FAAH2: variants seen among roughly 807,000 people sequenced by gnomAD.
The protein encoded by FAAH2 is fatty-acid amide hydrolase 2.
A neutral mutation model predicts 36.9 loss-of-function variants in FAAH2; 60 were observed. The observed-to-expected ratio is 1.63, with a 90% CI of 1.32 to 2.02. The LOEUF is 2.02. Among genes scored for constraint, FAAH2 ranks in the 30% most tolerant of loss-of-function variants. The pLI is 0.00. For missense variants in FAAH2, 689 were observed against 397.5 expected (o/e 1.73, Z -6.23); for synonymous variants, 214 against 143.8 (o/e 1.49, Z -3.49).
At chrX:57,482,966 A>G (rs2057407700) in intron 10 of FAAH2, among the ~76,000 whole-genome samples, 1 of 109,956 alleles carries the variant, frequency 9.1e-6, no homozygotes, top group African/African-American at 3.3e-5. Context: ...TTTACTTTAG[A>G]TAGTCTGATC....
the FAAH2 span, among the ~76,000 whole-genome samples, chrX:57,259,966 A>G: frequency 3.2e-3 from 353 of 111,792 alleles, 1 homozygote; most frequent in African/African-American, 0.011. Context: ...CACACTTAAA[A>G]TCTAATAATA....
intron 7 of FAAH2, among the ~76,000 whole-genome samples, chrX:57,383,778 C>T (rs1379878750): frequency 4.5e-5 from 5 of 111,985 alleles, no homozygotes; most frequent in South Asian, 3.7e-4. Flanking sequence ...AATGCCATCC[C>T]TATCAAGCTA....
At chrX:57,125,171 C>T in the FAAH2 span, among the ~76,000 whole-genome samples, 1 of 112,501 alleles carries the variant, frequency 8.9e-6, no homozygotes. Flanking sequence ...TATTTTGAGA[C>T]ACGTCCCATC....
At chrX:57,443,848 T>C (rs184952570) in intron 8 of FAAH2, among the ~76,000 whole-genome samples, 1 of 112,317 alleles carries the variant, frequency 8.9e-6, no homozygotes, top group Non-Finnish European at 1.9e-5. Flanking sequence ...GACCCTCAGT[T>C]GCAGGTCTGT....
At chrX:57,231,516 C>G in the FAAH2 span, among the ~76,000 whole-genome samples, 1 of 111,080 alleles carries the variant, frequency 9.0e-6, no homozygotes, top group Non-Finnish European at 1.9e-5. Context: ...TTTTTTGTAG[C>G]CTTTTGATTT....
chrX:57,393,392 G>A lies in FAAH2; in HGVS notation c.996+12363G>A, dbSNP rs750226761. The A allele has an allele frequency of 7.0e-5, 52 of 740,664 alleles. No homozygotes were observed. The South Asian group carries it at 1.0e-3, about 15-fold the overall frequency. The allele number at this position is 740,664 out of a possible 1,213,427, so 61.0% of individuals were successfully genotyped here. ...GTGAGGGTGGAGACCGGAATACTGGGATTTGATGTTAAGAAACTTTTCTAT... is the reference window on the plus strand; with the variant it reads ...GTGAGGGTGGAGACCGGAATACTGGAATTTGATGTTAAGAAACTTTTCTAT... On this transcript the variant is annotated intron_variant, in intron 7 of 10. Transcript: ENST00000374900.
chrX:57,417,274 G>A (rs1258992534), intron 7 of FAAH2, among the ~76,000 whole-genome samples: 1 of 111,980 alleles, frequency 8.9e-6, no homozygotes, highest in Non-Finnish European at 1.9e-5. Flanking sequence ...CCTTGCTGGT[G>A]AGGAGTTGTA....
At chrX:57,371,637 T>TGGG (rs202021824) in intron 5 of FAAH2, among the ~76,000 whole-genome samples, 2 of 90,791 alleles carry the variant, frequency 2.2e-5, no homozygotes, top group Non-Finnish European at 4.6e-5. Context: ...TTCTATTTTT[T>TGGG]GGGGGGGGGG....
the FAAH2 span, chrX:57,229,210 C>G: frequency 8.9e-6 from 1 of 112,296 alleles, no homozygotes; most frequent in Admixed American, 9.4e-5. Flanking sequence ...TATCGCTCAT[C>G]TAAATGCTGC....
At chrX:57,185,383 C>T in the FAAH2 span, among the ~76,000 whole-genome samples, 1 of 110,738 alleles carries the variant, frequency 9.0e-6, no homozygotes, top group Non-Finnish European at 1.9e-5. Context: ...AAATGACTTC[C>T]ACTTCCATCC....
rs189531824 is a variant in FAAH2, at chrX:57,338,280, T to C, written c.623-2991T>C. Among the ~76,000 whole-genome samples, 3 of 111,250 alleles carry C rather than the reference T, an allele frequency of 2.7e-5. No homozygotes were observed. In the East Asian group the frequency reaches 8.5e-4, roughly 32 times the overall value. On this transcript the variant is annotated intron_variant, in intron 4 of 10. Transcript: ENST00000374900. ...GGAGTGGAGGTCGCAAGGTGCTCAGTGTGGGAGATTTTTGTGCCAGGATGA... is the reference window on the plus strand; with the variant it reads ...GGAGTGGAGGTCGCAAGGTGCTCAGCGTGGGAGATTTTTGTGCCAGGATGA...
At chrX:57,302,734 T>C (rs1338558668) in intron 2 of FAAH2, among the ~76,000 whole-genome samples, 2 of 111,245 alleles carry the variant, frequency 1.8e-5, no homozygotes. Context: ...TTTCAAGATA[T>C]ATAGATTTTT....
the FAAH2 span, among the ~76,000 whole-genome samples, chrX:57,216,557 TATATATAC>T: frequency 1.9e-5 from 1 of 51,630 alleles, no homozygotes; most frequent in East Asian, 5.9e-4. Flanking sequence ...TATGTATATA[TATATATAC>T]GTATATGTAT....
At chrX:57,265,956 C>T in the FAAH2 span, among the ~76,000 whole-genome samples, 3 of 111,406 alleles carry the variant, frequency 2.7e-5, no homozygotes, top group South Asian at 1.2e-3. Context: ...ACAGAGGTTT[C>T]AGACCTCCCT....
At chrX:57,377,817 C>T (rs1232080456) in intron 5 of FAAH2, among the ~76,000 whole-genome samples, 2 of 112,093 alleles carry the variant, frequency 1.8e-5, no homozygotes. Flanking sequence ...TCTCTTATTT[C>T]CTTGAGCAGT....
At chrX:57,309,641 T>A (rs377538355) in intron 2 of FAAH2, among the ~76,000 whole-genome samples, 2 of 111,119 alleles carry the variant, frequency 1.8e-5, no homozygotes, top group Non-Finnish European at 3.8e-5. Context: ...GTGTGTGTTG[T>A]TTCCCTCCCT....
At chrX:57,340,754 C>T (rs1488281445) in intron 4 of FAAH2, among the ~76,000 whole-genome samples, 3 of 110,898 alleles carry the variant, frequency 2.7e-5, no homozygotes. Context: ...GATTAGAACA[C>T]ATAGACACAT....
chrX:57,479,995 TA>T (rs1237491730), intron 10 of FAAH2, among the ~76,000 whole-genome samples: 1 of 111,558 alleles, frequency 9.0e-6, no homozygotes, highest in Non-Finnish European at 1.9e-5. Context: ...GCTATGCAAA[TA>T]AACTAGAAAA....
At chrX:57,467,292 C>A (rs893800501) in intron 10 of FAAH2, among the ~76,000 whole-genome samples, 1 of 110,920 alleles carries the variant, frequency 9.0e-6, no homozygotes, top group South Asian at 3.9e-4. Context: ...TGAGCCAAAG[C>A]AGGGCAAGGC....
Sources: allele counts gnomAD v4.1 joint callset (sites outside exome capture counted in the v4.1 genomes callset), GRCh38; gene constraint gnomAD v4.1.1; transcripts MANE v1.5; gene names NCBI Gene and HGNC (gene_info 2026-07-23, HGNC 2026-07-21).